The following RUNX1 variants were observed in gnomAD, a reference collection of about 807,000 sequenced individuals.
RUNX1 encodes RUNX family transcription factor 1.
Under a neutral mutation model 42.8 loss-of-function variants are expected in RUNX1, and 19 were observed. The ratio of observed to expected loss-of-function variants is 0.44; its 90% CI spans 0.31 to 0.65. The LOEUF (loss-of-function observed/expected upper bound fraction) is 0.65. Ranked by LOEUF, RUNX1 falls within the 30% of genes least tolerant of loss-of-function variation. RUNX1 has a pLI of 0.07. For missense variants in RUNX1, 528 were observed against 672.0 expected (o/e 0.79, Z 2.37); for synonymous variants, 271 against 289.4 (o/e 0.94, Z 0.64).
intron 2 of RUNX1, among the ~76,000 whole-genome samples, chr21:34,989,223 G>A (rs1224695122): frequency 2.6e-5 from 4 of 151,962 alleles, no homozygotes; most frequent in Non-Finnish European, 5.9e-5. Flanking sequence ...TGGCCAGGCT[G>A]GTCTTGAACT....
intron 2 of RUNX1, among the ~76,000 whole-genome samples, chr21:35,028,269 C>T (rs532962231): frequency 2.6e-5 from 4 of 152,260 alleles, no homozygotes; most frequent in Admixed American, 1.3e-4. Context: ...GGGTGGGTGC[C>T]GGGAACCTGC....
At chr21:34,973,182 G>A (rs2058775235) in intron 2 of RUNX1, among the ~76,000 whole-genome samples, 2 of 152,300 alleles carry the variant, frequency 1.3e-5, no homozygotes, top group African/African-American at 2.4e-5. Flanking sequence ...AAAGGGAGGA[G>A]GCAGATGTAG....
intron 7 of RUNX1, 129 bp from the exon 8 acceptor site, chr21:34,799,591 T>C: frequency 1.3e-6 from 1 of 752,240 alleles, no homozygotes; most frequent in Non-Finnish European, 2.2e-6. Flanking sequence ...TACCAGGGTT[T>C]AATAAGCCTA....
chr21:34,991,257 C>T (rs959532474), intron 2 of RUNX1, among the ~76,000 whole-genome samples: 1 of 152,208 alleles, frequency 6.6e-6, no homozygotes, highest in African/African-American at 2.4e-5. Context: ...GCCTTTACCT[C>T]CTCCCGAAAT....
At chr21:34,887,156 C>T (rs1211471756) in intron 3 of RUNX1, 60 bp from the exon 4 acceptor site, 1 of 1,592,332 alleles carries the variant, frequency 6.3e-7, no homozygotes, top group Non-Finnish European at 8.5e-7. Flanking sequence ...CAGCTCCTAC[C>T]AGACGGCGAC....
In RUNX1 at chr21:34,907,059, T is replaced by C. The variant is rs1052109019; in HGVS notation, c.59-14096A>G. ...GTTTTGATATTGTCATTAGTATTCATTATTCATGAGGACTTGATCGTGTAT... is the reference window on the plus strand; with the variant it reads ...GTTTTGATATTGTCATTAGTATTCACTATTCATGAGGACTTGATCGTGTAT... On this transcript the variant is annotated intron_variant, in intron 2 of 8. Transcript: ENST00000675419. The surrounding 1 kb of genome is among the most constrained non-coding windows in gnomAD (Gnocchi z 5.3). 6.6e-6 allele frequency among the ~76,000 whole-genome samples: 1 copy of C among 152,220 alleles called. No homozygotes were observed. Among genetic ancestry groups the C allele is most frequent in the Non-Finnish European group, 1.5e-5 (1 of 68,042 alleles).
chr21:34,921,172 T>C (rs1235809698), intron 2 of RUNX1, among the ~76,000 whole-genome samples: 1 of 152,190 alleles, frequency 6.6e-6, no homozygotes, highest in Non-Finnish European at 1.5e-5. Context: ...TTAAAGTGCA[T>C]AGTTATGTGG....
At chr21:35,043,662 G>C (rs2059376261) in intron 2 of RUNX1, among the ~76,000 whole-genome samples, 1 of 152,102 alleles carries the variant, frequency 6.6e-6, no homozygotes, top group Non-Finnish European at 1.5e-5. Flanking sequence ...AATATTATTA[G>C]CCCATTTTGC....
intron 2 of RUNX1, among the ~76,000 whole-genome samples, chr21:34,933,168 A>C (rs1489784558): frequency 6.6e-6 from 1 of 152,190 alleles, no homozygotes; most frequent in Non-Finnish European, 1.5e-5. Flanking sequence ...TATCTTGGAA[A>C]ATTAGTGGTT....
intron 8 of RUNX1, among the ~76,000 whole-genome samples, chr21:34,795,494 G>C (rs1434195102): frequency 6.6e-6 from 1 of 152,170 alleles, no homozygotes; most frequent in Non-Finnish European, 1.5e-5. Context: ...AAAGTTTATA[G>C]AAACAGCCCA....
At chr21:34,845,681 G>C (rs954063189) in intron 6 of RUNX1, among the ~76,000 whole-genome samples, 4 of 152,088 alleles carry the variant, frequency 2.6e-5, no homozygotes, top group Admixed American at 2.6e-4. Context: ...CAGCCGGAGG[G>C]GGACCCCGCC....
At position 34,886,715 on chromosome 21, in the gene RUNX1, G is replaced by A. The variant is rs1426829819; in HGVS notation, c.351+128C>T. 3 of 1,448,314 alleles carry A rather than the reference G, an allele frequency of 2.1e-6. No homozygotes were observed. The African/African-American group carries it at 4.2e-5, about 20-fold the overall frequency. 89.7% of individuals were successfully genotyped at this position (1,448,314 alleles called of 1,614,324 possible). On this transcript the variant is annotated intron_variant, in intron 4 of 8. Coordinates refer to ENST00000675419, the MANE Select transcript of RUNX1 (RefSeq NM_001754.5). Reference sequence around the variant, plus strand: ...CATCCCCCACATCCCAAGCTAGGAAGACCGACCCGGGGCTGCGGGGGCCCC... The same window carrying A: ...CATCCCCCACATCCCAAGCTAGGAAAACCGACCCGGGGCTGCGGGGGCCCC...
intron 5 of RUNX1, among the ~76,000 whole-genome samples, chr21:34,863,702 A>C (rs554807563): frequency 9.2e-5 from 14 of 151,896 alleles, no homozygotes; most frequent in East Asian, 1.9e-4. Context: ...TTACATGTGC[A>C]TACCACCACA....
At chr21:34,794,023 G>T (rs2056489833) in intron 8 of RUNX1, among the ~76,000 whole-genome samples, 1 of 151,776 alleles carries the variant, frequency 6.6e-6, no homozygotes, top group African/African-American at 2.4e-5. Context: ...TTATTCTCTG[G>T]CCCCTTACAG....
chr21:34,972,078 C>A (rs1443800532), intron 2 of RUNX1, among the ~76,000 whole-genome samples: 1 of 152,192 alleles, frequency 6.6e-6, no homozygotes, highest in East Asian at 1.9e-4. Flanking sequence ...ATATCCACTA[C>A]CCAAATCTTT....
intron 2 of RUNX1, among the ~76,000 whole-genome samples, chr21:34,993,754 G>T (rs1444892939): frequency 2.1e-5 from 1 of 48,042 alleles, no homozygotes; most frequent in African/African-American, 1.2e-4. Context: ...CACACACACA[G>T]ACACACACAG....
At chr21:34,862,347 T>C (rs73900569) in intron 5 of RUNX1, among the ~76,000 whole-genome samples, 4,403 of 152,294 alleles carry the variant, frequency 0.029, 199 homozygotes, top group African/African-American at 0.099. Context: ...CCACGTGTGA[T>C]TCTTCTGTTG....
intron 2 of RUNX1, among the ~76,000 whole-genome samples, chr21:34,944,121 G>A (rs1420589486): frequency 2.0e-5 from 3 of 152,116 alleles, no homozygotes; most frequent in Non-Finnish European, 4.4e-5. Flanking sequence ...TGATCCTCCT[G>A]CCTCAGCCTC....
At chr21:35,004,392 T>C (rs1397648254) in intron 2 of RUNX1, among the ~76,000 whole-genome samples, 3 of 152,196 alleles carry the variant, frequency 2.0e-5, no homozygotes, top group Admixed American at 1.3e-4. Flanking sequence ...TGCTTGGCCA[T>C]AGTGGCTCCC....
Sources: allele counts gnomAD v4.1 joint callset (sites outside exome capture counted in the v4.1 genomes callset), GRCh38; gene constraint gnomAD v4.1.1; non-coding constraint Gnocchi (gnomAD v3.1); transcripts MANE v1.5; gene names NCBI Gene and HGNC (gene_info 2026-07-23, HGNC 2026-07-21).